The following AP3M1 variants were observed in gnomAD, a reference collection of about 807,000 sequenced individuals.
AP3M1 encodes AP-3 complex subunit mu-1.
AP3M1 carries 29 observed loss-of-function variants against 42.6 expected under a neutral mutation model. That is an observed-to-expected ratio of 0.68 (90% confidence interval 0.51 to 0.93). The LOEUF is 0.93. AP3M1 is among the 40% of genes least tolerant of loss of function. The pLI, the probability that AP3M1 is intolerant of heterozygous loss-of-function variation, is 0.00. For missense variants in AP3M1, 416 were observed against 510.2 expected (o/e 0.82, Z 1.78); for synonymous variants, 178 against 175.3 (o/e 1.02, Z -0.12).
chr10:74,128,126 G>GAAAAAAAAAAAAAAAAA (rs1564544493), intron 6 of AP3M1, among the ~76,000 whole-genome samples: 1 of 135,686 alleles, frequency 7.4e-6, no homozygotes, highest in Non-Finnish European at 1.6e-5. Context: ...AAAAAAAAAG[G>GAAAAAAAAAAAAAAAAA]AAAAGAAAAG....
chr10:74,146,971 AAG>A (rs964732667), intron 1 of AP3M1, among the ~76,000 whole-genome samples: 17 of 152,286 alleles, frequency 1.1e-4, no homozygotes, highest in African/African-American at 3.6e-4. Context: ...ACATGGCACA[AAG>A]AGGTTAAGCT....
At chr10:74,139,938 G>T (rs1051769617) in intron 1 of AP3M1, among the ~76,000 whole-genome samples, 7 of 146,894 alleles carry the variant, frequency 4.8e-5, no homozygotes, top group African/African-American at 1.7e-4. Flanking sequence ...AAAAATCCCA[G>T]CTGCCTTTTC....
rs373871661 is a variant in AP3M1, at chr10:74,149,424, G to A, written c.-4+1331C>T. Among the ~76,000 whole-genome samples, 26 of 151,362 alleles carry A rather than the reference G, an allele frequency of 1.7e-4. No homozygotes were observed. In the East Asian group the frequency reaches 4.5e-3, roughly 26 times the overall value. ...CCTGCCTCAGCCTACCAAGTAGCTG[G>A]GACTACAGGCGTGTGCCACCACACC... On this transcript the variant is annotated intron_variant, in intron 1 of 8. Transcript: ENST00000355264.
intron 4 of AP3M1, among the ~76,000 whole-genome samples, chr10:74,131,396 T>C (rs888059795): frequency 6.6e-6 from 1 of 151,980 alleles, no homozygotes; most frequent in African/African-American, 2.4e-5. Flanking sequence ...CTGGATCTCC[T>C]AACCTCGTGA....
chr10:74,138,127 G>C lies in AP3M1; in HGVS notation c.253C>G (p.Arg85Gly), dbSNP rs372550482. 6.2e-7 allele frequency: 1 copy of C among 1,613,804 alleles called. No homozygotes were observed. The stretch of plus-strand genomic sequence containing the variant: ...CCAACCTGAAAAGTGTCAGCAACTC[G>C]ATGTAGGAACTCAATTACAAAGAGA... ...PPLFVIEFLH[R>G]VADTFQDYFG... The change falls in exon 2 of 9, where the codon CGA (arginine) becomes GGA (glycine). Residue 85 changes from arginine to glycine, a missense_variant. Transcript: ENST00000355264.
chr10:74,131,551 T>C (rs901969076), intron 4 of AP3M1, among the ~76,000 whole-genome samples: 3 of 151,578 alleles, frequency 2.0e-5, no homozygotes, highest in Middle Eastern at 3.4e-3. Flanking sequence ...TAGAAAGATA[T>C]CTCTTTTTTT....
chr10:74,148,271 A>G (rs979165003), intron 1 of AP3M1, among the ~76,000 whole-genome samples: 1 of 152,208 alleles, frequency 6.6e-6, no homozygotes, highest in Non-Finnish European at 1.5e-5. Context: ...GGACCCTGAC[A>G]TAGCAGGAGA....
chr10:74,126,099 A>G, intron 7 of AP3M1, 49 bp downstream of exon 7: 1 of 1,596,246 alleles, frequency 6.3e-7, no homozygotes, highest in Non-Finnish European at 8.6e-7. Flanking sequence ...ACAAATCACA[A>G]AATAGATTGC....
chr10:74,150,698 T>G (rs901688453), intron 1 of AP3M1, 57 bp downstream of exon 1: 1 of 154,422 alleles, frequency 6.5e-6, no homozygotes, highest in Non-Finnish European at 1.4e-5. Flanking sequence ...CTATTCAGCC[T>G]ACTCCCGGGT....
intron 6 of AP3M1, among the ~76,000 whole-genome samples, chr10:74,128,001 G>A (rs1461595110): frequency 6.7e-6 from 1 of 150,264 alleles, no homozygotes; most frequent in African/African-American, 2.4e-5. Context: ...TTGGGAGGCC[G>A]AGGCAGGAGA....
intron 6 of AP3M1, 124 bp downstream of exon 6, chr10:74,128,984 C>T (rs1840696894): frequency 8.5e-6 from 10 of 1,182,984 alleles, no homozygotes; most frequent in South Asian, 5.9e-5. Context: ...ACTGGGTCTC[C>T]TGGTGAGCTA....
chr10:74,134,517 TCTC>T (rs1840884831), intron 3 of AP3M1, among the ~76,000 whole-genome samples: 1 of 152,244 alleles, frequency 6.6e-6, no homozygotes, highest in Non-Finnish European at 1.5e-5. Flanking sequence ...CAATAAAATG[TCTC>T]CAGTGAGAAT....
Position 74,138,358 on chromosome 10 carries a change from T to C in AP3M1, c.22A>G (p.Ile8Val), listed in dbSNP as rs1440775125. Residue 8 changes from isoleucine to valine, a missense_variant, in exon 2 of 9, where the codon ATA (isoleucine) becomes GTA (valine). Coordinates refer to ENST00000355264, the MANE Select transcript of AP3M1 (RefSeq NM_012095.6). Reference protein sequence around the residue: MIHSLFLINCSGDIFLEK... With the variant: MIHSLFLVNCSGDIFLEK... ...AGAAATATGTCACCGGAACAGTTTA[T>C]GAGAAATAGACTGTGGATCATTTTC... is the stretch of plus-strand genomic sequence containing the variant. 1.2e-6 allele frequency: 2 copies of C among 1,613,952 alleles called. No homozygotes were observed. Among genetic ancestry groups the C allele is most frequent in the Non-Finnish European group, 1.7e-6 (2 of 1,179,992 alleles).
intron 4 of AP3M1, among the ~76,000 whole-genome samples, chr10:74,133,461 T>C (rs578178152): frequency 4.6e-5 from 7 of 151,786 alleles, no homozygotes; most frequent in Non-Finnish European, 7.4e-5. Context: ...CTTGGGAAGC[T>C]GAAGCAGCAG....
Position 74,126,170 on chromosome 10 carries a change from T to C in AP3M1, c.989A>G (p.Tyr330Cys). The C allele has an allele frequency of 3.7e-6, 6 of 1,614,214 alleles. No homozygotes were observed. Among genetic ancestry groups the C allele is most frequent in the Non-Finnish European group, 5.1e-6 (6 of 1,180,034 alleles). The change falls in exon 7 of 9, where the codon TAT becomes TGT. Residue 330 changes from tyrosine (Y) to cysteine (C), a missense_variant. Physicochemically the swap from Tyr to Cys is radical, Grantham distance 194. Transcript: ENST00000355264. The stretch of plus-strand genomic sequence containing the variant: ...TACCTTGGTGACTGGATCAAATGTA[T>C]AGCTGCCTTGTGTGGGTGTCAGGTT... ...NMNLTPTQGS[Y>C]TFDPVTKVLT...
Position 74,120,974 on chromosome 10 carries a change from T to C in AP3M1, c.*2836A>G, listed in dbSNP as rs1198399922. The C allele has an allele frequency of 6.6e-6, 1 of 152,062 alleles. No homozygotes were observed. The highest frequency in any genetic ancestry group is 1.5e-5 in the Non-Finnish European group (1 of 67,966). 9.4% of individuals were successfully genotyped at this position (152,062 alleles called of 1,614,324 possible). A position where few individuals can be genotyped will look rare whatever the true frequency, so the allele number is the denominator to read the frequency against. On this transcript the variant is annotated 3_prime_UTR_variant, in exon 9 of 9. Transcript: ENST00000355264. Reference sequence around the variant, plus strand: ...AAATAGTAGGAGCAGGTTTTTAGAGTAGAGTTGGGACATCACTTTTTCCCT... The same window carrying C: ...AAATAGTAGGAGCAGGTTTTTAGAGCAGAGTTGGGACATCACTTTTTCCCT...
chr10:74,143,020 A>G (rs1564554707), intron 1 of AP3M1, among the ~76,000 whole-genome samples: 1 of 152,230 alleles, frequency 6.6e-6, no homozygotes, highest in Admixed American at 6.5e-5. Context: ...GGAACACAGC[A>G]TTCTTTGCAA....
chr10:74,135,376 C>T (rs539716736), intron 3 of AP3M1, among the ~76,000 whole-genome samples: 41 of 152,160 alleles, frequency 2.7e-4, no homozygotes, highest in African/African-American at 9.4e-4. Flanking sequence ...AAGGTGGCCA[C>T]CCACCACAGT....
At chr10:74,147,585 T>C (rs1841370856) in intron 1 of AP3M1, among the ~76,000 whole-genome samples, 1 of 152,224 alleles carries the variant, frequency 6.6e-6, no homozygotes, top group Admixed American at 6.5e-5. Flanking sequence ...TGTTTATGTA[T>C]TGTATTTGTG....
Sources: gnomAD v4.1 joint callset for allele counts (sites outside exome capture counted in the v4.1 genomes callset) on GRCh38, gnomAD v4.1.1 for gene constraint, MANE v1.5 for transcripts, NCBI Gene and HGNC (gene_info 2026-07-23, HGNC 2026-07-21) for gene names.